The following BTBD2 variants were observed in gnomAD, a reference collection of about 807,000 sequenced individuals.
BTBD2 encodes the protein BTB domain containing 2, also known as BTB/POZ domain-containing protein 2.
In BTBD2, 15 loss-of-function variants were observed where a neutral mutation model predicts 44.0. That is an observed-to-expected ratio of 0.34 (90% CI 0.23 to 0.53). The LOEUF (loss-of-function observed/expected upper bound fraction) is 0.53, where lower values mean the gene tolerates loss of function less well. BTBD2 is among the 20% of genes least tolerant of loss of function. BTBD2 has a pLI of 0.95. For synonymous variants in BTBD2, 443 were observed against 335.9 expected, an observed-to-expected ratio of 1.32 and a Z score of -3.49; for missense variants, 657 against 746.4, an observed-to-expected ratio of 0.88 and a Z score of 1.39.
chr19:1,993,056 G>GTTCT lies in BTBD2; in HGVS notation c.644_647dup (p.Asn216LysfsTer20). ...GCATGAAGGCGTTGTCGGCTCGCAG[G>GTTCT]TTCTTCTTCAGGAACTCCACGCAAT... On this transcript the variant is annotated frameshift_variant, in exon 3 of 9. Coordinates refer to ENST00000255608, the MANE Select transcript of BTBD2 (RefSeq NM_017797.4). LOFTEE classifies it high-confidence loss of function. 1 of 1,604,376 alleles carries GTTCT rather than the reference G, an allele frequency of 6.2e-7. No individual in the cohort carries two copies. Among genetic ancestry groups the GTTCT allele is most frequent in the Non-Finnish European group, 8.5e-7 (1 of 1,178,996 alleles).
intron 3 of BTBD2, 101 bp downstream of exon 3, chr19:1,992,919 G>GC: frequency 2.1e-5 from 18 of 838,322 alleles, no homozygotes; most frequent in South Asian, 1.2e-4. Context: ...TCCCGGGCCC[G>GC]CCCCCGGCCC....
At chr19:1,999,927 A>C (rs1353225527) in intron 1 of BTBD2, among the ~76,000 whole-genome samples, 1 of 147,896 alleles carries the variant, frequency 6.8e-6, no homozygotes, top group African/African-American at 2.5e-5. Flanking sequence ...ACGCCATTGC[A>C]CTCCTGCTTG....
intron 1 of BTBD2, among the ~76,000 whole-genome samples, chr19:2,004,920 A>C: frequency 1.3e-5 from 2 of 150,794 alleles, no homozygotes; most frequent in East Asian, 2.0e-4. Flanking sequence ...CCCAAGTTCA[A>C]GCGATTCTCC....
chr19:1,998,111 G>A (rs756339921), intron 1 of BTBD2, among the ~76,000 whole-genome samples: 5 of 151,360 alleles, frequency 3.3e-5, no homozygotes, highest in Non-Finnish European at 7.4e-5. Flanking sequence ...ACACACATTC[G>A]TTCATTCCCA....
Position 2,015,302 on chromosome 19 carries a change from C to A in BTBD2, c.402G>T (p.Ala134=), listed in dbSNP as rs753632341. The part of the protein sequence containing the change: ...GKGLSSQRIP[A]HRFVLAVGSA... The stretch of plus-strand genomic sequence containing the variant: ...GGCGGGGTCGGGGCGCCCACCTGTG[C>A]GCGGGGATGCGCTGCGAGCTGAGCC... Residue 134 remains alanine, a synonymous_variant, in exon 1 of 9, where the codon GCG becomes GCT. Coordinates refer to ENST00000255608, the MANE Select transcript of BTBD2 (RefSeq NM_017797.4). 4 of 1,557,042 alleles carry A rather than the reference C, an allele frequency of 2.6e-6. No individual in the cohort carries two copies. Among genetic ancestry groups the A allele is most frequent in the South Asian group, 1.2e-5 (1 of 86,526 alleles).
rs879210001 is a variant in BTBD2 at position 1,997,609 on chromosome 19, G to C, written c.408-146C>G. On this transcript the variant is annotated intron_variant, in intron 1 of 8. Coordinates refer to ENST00000255608, the MANE Select transcript of BTBD2 (RefSeq NM_017797.4). ...TGTACCAGGCCCCCCGATGGCAGAG[G>C]CTTCTGGAAGGGGCCTGGGACAGCA... 1.9e-5 allele frequency: 23 copies of C among 1,237,568 alleles called. 1 individual carries two copies. The South Asian group carries it at 2.5e-4, about 13-fold the overall frequency. The allele number at this position is 1,237,568 out of a possible 1,614,324, so 76.7% of individuals were successfully genotyped here.
chr19:1,999,367 T>C (rs2016295431), intron 1 of BTBD2, among the ~76,000 whole-genome samples: 2 of 152,068 alleles, frequency 1.3e-5, no homozygotes, highest in African/African-American at 4.8e-5. Flanking sequence ...GCTGGTGTTT[T>C]TGGAAGGAGG....
At chr19:1,992,803 C>T (rs781032393) in intron 3 of BTBD2, among the ~76,000 whole-genome samples, 3 of 152,174 alleles carry the variant, frequency 2.0e-5, no homozygotes, top group African/African-American at 4.8e-5. Context: ...AACGCCTGAG[C>T]TCAGGTGATC....
chr19:2,006,060 TGTGGGTGACAGA>T (rs1178141167), intron 1 of BTBD2, among the ~76,000 whole-genome samples: 4 of 149,980 alleles, frequency 2.7e-5, no homozygotes, highest in Non-Finnish European at 5.9e-5. Flanking sequence ...TGAACTCCAG[TGTGGGTGACAGA>T]GTGAGACCCT....
chr19:2,006,959 G>A (rs560787546), intron 1 of BTBD2, among the ~76,000 whole-genome samples: 22 of 152,318 alleles, frequency 1.4e-4, no homozygotes, highest in Non-Finnish European at 2.5e-4. Context: ...CCAGGTTCAA[G>A]CAATTCTCCT....
At chr19:2,003,653 A>C (rs917815567) in intron 1 of BTBD2, 5 of 152,054 alleles carry the variant, frequency 3.3e-5, no homozygotes, top group African/African-American at 1.2e-4. Flanking sequence ...CTGTAATCCC[A>C]GCTATTCGGG....
rs778301097 is a variant in BTBD2 at position 1,986,669 on chromosome 19, A to C, written c.1417-20T>G. ...TGGGCCCTGTAGGGAATAGGGGTAC[A>C]GTGAGGTCAAGGACCACCAGGCTGG... On this transcript the variant is annotated intron_variant, in intron 8 of 8. Transcript: ENST00000255608. 6.2e-7 allele frequency: 1 copy of C among 1,611,700 alleles called. No homozygotes were observed. The highest frequency in any genetic ancestry group is 1.7e-5 in the Admixed American group (1 of 59,984).
intron 2 of BTBD2, among the ~76,000 whole-genome samples, chr19:1,996,975 C>T (rs1484035240): frequency 6.6e-6 from 1 of 151,954 alleles, no homozygotes; most frequent in South Asian, 2.1e-4. Flanking sequence ...GATGTCAGAT[C>T]GAGACCATCC....
Position 2,015,590 on chromosome 19 carries a change from G to T in BTBD2, c.114C>A (p.Pro38=), listed in dbSNP as rs1372343174. The T allele has an allele frequency of 2.1e-6, 2 of 968,168 alleles. No individual in the cohort carries two copies. The highest frequency in any genetic ancestry group is 9.4e-5 in the South Asian group (2 of 21,346). 60.0% of individuals were successfully genotyped at this position (968,168 alleles called of 1,614,324 possible). A position where few individuals can be genotyped will look rare whatever the true frequency, so the allele number is the denominator to read the frequency against. Residue 38 remains proline (P), a synonymous_variant, in exon 1 of 9, where the codon CCC becomes CCA. Transcript: ENST00000255608. ...PSANAAATPA[P]GNAAAAAAAA... is the part of the protein sequence containing the mutation. Reference sequence around the variant, plus strand: ...CGGCGGCGGCGGCGGCCGCGTTGCCGGGGGCCGGGGTGGCGGCGGCGTTGG... The same window carrying T: ...CGGCGGCGGCGGCGGCCGCGTTGCCTGGGGCCGGGGTGGCGGCGGCGTTGG...
At position 2,015,571 on chromosome 19, in the gene BTBD2, CGGCGGCG is replaced by C. The variant is rs2016525124; in HGVS notation, c.126_132del (p.Ala43ProfsTer146). The C allele has an allele frequency of 3.2e-6, 3 of 950,350 alleles. No individual in the cohort carries two copies. In the African/African-American group the frequency reaches 5.6e-5, roughly 18 times the overall value. The allele number at this position is 950,350 out of a possible 1,614,324, so 58.9% of individuals were successfully genotyped here. ...GCGGCGGCGGCGGCGGCGGCGGCGG[CGGCGGCG>C]GCCGCGTTGCCGGGGGCCGGGGTGG... On this transcript the variant is annotated frameshift_variant, in exon 1 of 9. Coordinates refer to ENST00000255608, the MANE Select transcript of BTBD2 (RefSeq NM_017797.4). LOFTEE classifies it high-confidence loss of function.
intron 1 of BTBD2, among the ~76,000 whole-genome samples, chr19:2,006,258 T>C (rs1423646970): frequency 6.6e-6 from 1 of 152,164 alleles, no homozygotes; most frequent in African/African-American, 2.4e-5. Context: ...GTGCCTAGTA[T>C]TGGACAGCAC....
chr19:1,993,604 C>T (rs989799596), intron 2 of BTBD2, among the ~76,000 whole-genome samples: 3 of 152,098 alleles, frequency 2.0e-5, no homozygotes, highest in Admixed American at 1.3e-4. Context: ...GAACCCAACA[C>T]GCTAATTAGG....
intron 2 of BTBD2, among the ~76,000 whole-genome samples, chr19:1,996,002 G>A (rs78345242): frequency 0.063 from 9,580 of 152,052 alleles, 863 homozygotes; most frequent in African/African-American, 0.2. Context: ...TAAGGTAAGG[G>A]TCTAACTTCA....
Position 1,985,909 on chromosome 19 carries a change from C to T in BTBD2, c.*579G>A, listed in dbSNP as rs893187550. ...GCAGGGGCCGTCCCCACACTGAATC[C>T]TGCGTGCGCAGAACTCAAGCCGGCA... On this transcript the variant is annotated 3_prime_UTR_variant, in exon 9 of 9. Coordinates refer to ENST00000255608, the MANE Select transcript of BTBD2 (RefSeq NM_017797.4). 1.3e-5 allele frequency: 2 copies of T among 154,610 alleles called. No homozygotes were observed. The highest frequency in any genetic ancestry group is 2.9e-5 in the Non-Finnish European group (2 of 69,666). The allele number at this position is 154,610 out of a possible 1,614,324, so 9.6% of individuals were successfully genotyped here.
Sources: allele counts gnomAD v4.1 joint callset (sites outside exome capture counted in the v4.1 genomes callset), GRCh38; gene constraint gnomAD v4.1.1; transcripts MANE v1.5; gene names NCBI Gene and HGNC (gene_info 2026-07-23, HGNC 2026-07-21).